Variants in AUTS2 observed in about 807,000 individuals in gnomAD.
AUTS2 encodes the protein activator of transcription and developmental regulator AUTS2, also known as autism susceptibility gene 2 protein.
Under a neutral mutation model 112.4 loss-of-function variants are expected in AUTS2, and 17 were observed. The ratio of observed to expected loss-of-function variants is 0.15; its 90% CI spans 0.10 to 0.23. AUTS2 has a LOEUF of 0.23. AUTS2 is among the 10% of genes least tolerant of loss of function. The pLI is 1.00. For missense variants in AUTS2, 1,510 were observed against 1,701.6 expected (o/e 0.89, Z 1.98); for synonymous variants, 751 against 702.7 (o/e 1.07, Z -1.09).
At chr7:69,868,564 G>A (rs116024271) in intron 1 of AUTS2, among the ~76,000 whole-genome samples, 171 of 152,230 alleles carry the variant, frequency 1.1e-3, no homozygotes, top group African/African-American at 1.7e-3. Context: ...ATCTTCCTCA[G>A]ACCACATAAG....
At chr7:70,726,336 C>T (rs1434843179) in intron 6 of AUTS2, among the ~76,000 whole-genome samples, 1 of 141,240 alleles carries the variant, frequency 7.1e-6, no homozygotes, top group East Asian at 2.7e-4. Flanking sequence ...TGAGAAATGG[C>T]ATTTCTTAAA....
At chr7:69,833,911 A>G (rs934389874) in intron 1 of AUTS2, among the ~76,000 whole-genome samples, 1 of 152,208 alleles carries the variant, frequency 6.6e-6, no homozygotes, top group Non-Finnish European at 1.5e-5. Context: ...AGTTTAAAAA[A>G]TATGGTCATG....
chr7:70,128,717 A>G (rs1477856732), intron 3 of AUTS2, among the ~76,000 whole-genome samples: 3 of 152,256 alleles, frequency 2.0e-5, no homozygotes, highest in African/African-American at 4.8e-5. Flanking sequence ...GGCTGCTTTA[A>G]TGAATGACCA....
intron 5 of AUTS2, among the ~76,000 whole-genome samples, chr7:70,476,286 C>G (rs1037861159): frequency 6.6e-6 from 1 of 152,114 alleles, no homozygotes; most frequent in African/African-American, 2.4e-5. Flanking sequence ...TCAGACAGCT[C>G]TGTGAGCCCT....
At chr7:69,719,938 G>GA (rs911267306) in intron 1 of AUTS2, among the ~76,000 whole-genome samples, 50 of 150,524 alleles carry the variant, frequency 3.3e-4, no homozygotes, top group Non-Finnish European at 6.2e-4. Context: ...ATTGTTGAAG[G>GA]AAAAAAAAAT....
At chr7:70,291,845 G>T (rs553420631) in intron 4 of AUTS2, 29 of 152,236 alleles carry the variant, frequency 1.9e-4, no homozygotes, top group African/African-American at 2.9e-4. Flanking sequence ...TAAATATGAA[G>T]GAGGCTAGTG....
intron 18 of AUTS2, among the ~76,000 whole-genome samples, chr7:70,788,405 T>C (rs1791658504): frequency 6.6e-6 from 1 of 152,146 alleles, no homozygotes; most frequent in Non-Finnish European, 1.5e-5. Context: ...TGCTGACTGA[T>C]AAAAGAAAAA....
At chr7:69,779,018 G>T (rs1789020970) in intron 1 of AUTS2, among the ~76,000 whole-genome samples, 1 of 108,282 alleles carries the variant, frequency 9.2e-6, no homozygotes, top group Non-Finnish European at 1.8e-5. Context: ...ATAAAAGAAA[G>T]TACTACACAT....
At chr7:69,938,532 A>G (rs1796503656) in intron 2 of AUTS2, among the ~76,000 whole-genome samples, 3 of 152,268 alleles carry the variant, frequency 2.0e-5, no homozygotes, top group African/African-American at 2.4e-5. Flanking sequence ...GATTATAAAT[A>G]AATCTCAAGA....
intron 1 of AUTS2, among the ~76,000 whole-genome samples, chr7:69,793,961 G>A (rs1460945574): frequency 6.6e-6 from 1 of 152,154 alleles, no homozygotes; most frequent in Non-Finnish European, 1.5e-5. Context: ...GCTTAAGTTG[G>A]AGAATGCCAC....
chr7:70,074,177 T>C (rs912844356), intron 2 of AUTS2, among the ~76,000 whole-genome samples: 3 of 152,344 alleles, frequency 2.0e-5, no homozygotes, highest in Non-Finnish European at 4.4e-5. Context: ...TTACAAAATA[T>C]GTAGATTGAT....
At chr7:70,559,646 T>C (rs1801396631) in intron 5 of AUTS2, among the ~76,000 whole-genome samples, 1 of 152,182 alleles carries the variant, frequency 6.6e-6, no homozygotes, top group Non-Finnish European at 1.5e-5. Context: ...CTTCTACTCT[T>C]TCTTTACTTC....
At chr7:69,902,180 T>C (rs539328941) in intron 2 of AUTS2, among the ~76,000 whole-genome samples, 1 of 152,252 alleles carries the variant, frequency 6.6e-6, no homozygotes, top group South Asian at 2.1e-4. Flanking sequence ...TGTGTGTCAG[T>C]CCAGACAACT....
intron 1 of AUTS2, among the ~76,000 whole-genome samples, chr7:69,687,238 A>G: frequency 6.6e-6 from 1 of 152,206 alleles, no homozygotes; most frequent in South Asian, 2.1e-4. Context: ...AAAGTAAGTA[A>G]TTTATATTTA....
intron 5 of AUTS2, among the ~76,000 whole-genome samples, chr7:70,464,879 T>G (rs1797112182): frequency 6.6e-6 from 1 of 152,198 alleles, no homozygotes; most frequent in African/African-American, 2.4e-5. Flanking sequence ...TTGTTTCACT[T>G]TGGAGGAGCA....
At chr7:70,488,726 T>C (rs953481281) in intron 5 of AUTS2, among the ~76,000 whole-genome samples, 4 of 152,162 alleles carry the variant, frequency 2.6e-5, no homozygotes, top group African/African-American at 9.7e-5. Context: ...TCTCTTTTCC[T>C]GGGAGGACCT....
At chr7:69,602,020 G>GTATATATATATATATATATATATA (rs1173266676) in intron 1 of AUTS2, among the ~76,000 whole-genome samples, 3 of 68,380 alleles carry the variant, frequency 4.4e-5, no homozygotes, top group Non-Finnish European at 6.4e-5. Flanking sequence ...ATGTGTGTGT[G>GTATATATATATATATATATATATA]TATATATATA....
At chr7:70,213,043 CATA>C (rs1002837347) in intron 4 of AUTS2, among the ~76,000 whole-genome samples, 1 of 152,024 alleles carries the variant, frequency 6.6e-6, no homozygotes, top group African/African-American at 2.4e-5. Context: ...ATGTTCTTAA[CATA>C]AAGAAAAGAT....
chr7:69,983,513 ACT>A, intron 2 of AUTS2, among the ~76,000 whole-genome samples: 1 of 147,486 alleles, frequency 6.8e-6, no homozygotes, highest in African/African-American at 2.6e-5. Context: ...GTCGCTTTGT[ACT>A]GTGTGTGTGT....
Sources: allele counts gnomAD v4.1 joint callset (sites outside exome capture counted in the v4.1 genomes callset), GRCh38; gene constraint gnomAD v4.1.1; transcripts MANE v1.5; gene names NCBI Gene and HGNC (gene_info 2026-07-23, HGNC 2026-07-21).